Variants in ZMIZ1 observed in about 807,000 individuals in gnomAD.
ZMIZ1 encodes zinc finger MIZ-type containing 1, also known as zinc finger MIZ domain-containing protein 1.
Under a neutral mutation model 113.9 loss-of-function variants are expected in ZMIZ1, and 17 were observed. The observed-to-expected ratio is 0.15, with a 90% CI of 0.10 to 0.22. ZMIZ1 has a LOEUF of 0.22. ZMIZ1 is among the 10% of genes least tolerant of loss of function. The pLI is 1.00. For missense variants in ZMIZ1, 1,059 were observed against 1,477.8 expected (o/e 0.72, Z 4.65); for synonymous variants, 607 against 603.1 (o/e 1.01, Z -0.09).
rs756182598 is a variant in ZMIZ1, at chr10:79,277,252, G to A, written c.352G>A (p.Asp118Asn). The change falls in exon 8 of 25, where the codon GAT (aspartate) becomes AAT (asparagine). Residue 118 changes from aspartate to asparagine, a missense_variant. Asp to Asn is a conservative substitution (Grantham distance 23). Around this residue, in one of 6 missense-constraint regions of ZMIZ1, gnomAD observed 272 missense variants for 350.4 expected, o/e 0.78. Transcript: ENST00000334512. ...LLRHQKSRQS[D>N]PPGKLPMQPP... Reference sequence around the variant, plus strand: ...CCGACATCAGAAGAGCCGCCAGAGCGATCCCCCTGGGAAACTCCCCATGCA... The same window carrying A: ...CCGACATCAGAAGAGCCGCCAGAGCAATCCCCCTGGGAAACTCCCCATGCA... 33 of 1,591,270 alleles carry A rather than the reference G, an allele frequency of 2.1e-5. 2 individuals carry two copies. Among genetic ancestry groups the A allele is most frequent in the South Asian group, 1.5e-4 (13 of 88,366 alleles).
At chr10:79,177,979 A>G (rs1846942427) in intron 4 of ZMIZ1, among the ~76,000 whole-genome samples, 1 of 152,146 alleles carries the variant, frequency 6.6e-6, no homozygotes, top group South Asian at 2.1e-4. Context: ...CAGTGCTCCT[A>G]TTAGACATGA....
intron 7 of ZMIZ1, among the ~76,000 whole-genome samples, chr10:79,225,636 G>T (rs2132755372): frequency 6.6e-6 from 1 of 152,298 alleles, no homozygotes; most frequent in Middle Eastern, 3.4e-3. Context: ...AAAGACCAGT[G>T]AGCACCAAAC....
At chr10:79,192,884 A>T (rs1200891028) in intron 4 of ZMIZ1, among the ~76,000 whole-genome samples, 2 of 152,166 alleles carry the variant, frequency 1.3e-5, no homozygotes, top group African/African-American at 2.4e-5. Flanking sequence ...TAAGAGCTGG[A>T]AGCAGCTGGC....
At chr10:79,247,220 C>T (rs1413649708) in intron 7 of ZMIZ1, among the ~76,000 whole-genome samples, 1 of 152,150 alleles carries the variant, frequency 6.6e-6, no homozygotes, top group Non-Finnish European at 1.5e-5. Flanking sequence ...TTGAGGGATG[C>T]GAGGACCTTT....
chr10:79,076,357 A>G (rs1842475449), intron 1 of ZMIZ1, among the ~76,000 whole-genome samples: 1 of 152,044 alleles, frequency 6.6e-6, no homozygotes, highest in African/African-American at 2.4e-5. Flanking sequence ...GCCCAGCTGA[A>G]CCTTGGGGGT....
intron 24 of ZMIZ1, 63 bp downstream of exon 24, chr10:79,311,247 A>G (rs1437463131): frequency 7.8e-7 from 1 of 1,285,728 alleles, no homozygotes; most frequent in African/African-American, 1.6e-5. Flanking sequence ...CCTGCCCGAG[A>G]GAAGGGGTGG....
intron 19 of ZMIZ1, 152 bp from the exon 20 acceptor site, chr10:79,305,012 G>C (rs113182676): frequency 1.2e-6 from 1 of 811,828 alleles, no homozygotes; most frequent in Admixed American, 2.0e-5. Context: ...CAGAAAGGTA[G>C]CATTGCTTTC....
At chr10:79,198,898 G>A (rs1447782115) in intron 4 of ZMIZ1, among the ~76,000 whole-genome samples, 1 of 152,154 alleles carries the variant, frequency 6.6e-6, no homozygotes, top group Non-Finnish European at 1.5e-5. Flanking sequence ...GCCAGGCGTG[G>A]TGGCAGGCGC....
chr10:79,189,449 T>G (rs1200367210), intron 4 of ZMIZ1, among the ~76,000 whole-genome samples: 5 of 152,190 alleles, frequency 3.3e-5, no homozygotes, highest in South Asian at 2.1e-4. Flanking sequence ...GAGGCTAAGT[T>G]TCCTAGTCAC....
chr10:79,088,525 C>T (rs763000827), intron 1 of ZMIZ1, among the ~76,000 whole-genome samples: 33 of 152,258 alleles, frequency 2.2e-4, no homozygotes, highest in Admixed American at 4.6e-4. Flanking sequence ...AGCATTTTGT[C>T]GAGCCGGGAG....
intron 4 of ZMIZ1, among the ~76,000 whole-genome samples, chr10:79,190,963 C>G (rs1282844363): frequency 6.6e-6 from 1 of 152,146 alleles, no homozygotes; most frequent in Admixed American, 6.5e-5. Flanking sequence ...AAAAATAGAC[C>G]ACCTAGAAGA....
chr10:79,140,654 GTCCTTCCA>G (rs1316570323), intron 3 of ZMIZ1, among the ~76,000 whole-genome samples: 14 of 151,742 alleles, frequency 9.2e-5, no homozygotes, highest in African/African-American at 3.1e-4. Flanking sequence ...CCACCTATCC[GTCCTTCCA>G]TCCAACTACT....
At chr10:79,269,456 A>ACACACACACACACACAC (rs1851803859) in intron 7 of ZMIZ1, among the ~76,000 whole-genome samples, 1 of 138,472 alleles carries the variant, frequency 7.2e-6, no homozygotes, top group South Asian at 2.5e-4. Flanking sequence ...ACCTCCCCCC[A>ACACACACACACACACAC]ACACACACAC....
chr10:79,115,588 C>T (rs1050780783), intron 1 of ZMIZ1, among the ~76,000 whole-genome samples: 5 of 152,204 alleles, frequency 3.3e-5, no homozygotes, highest in Admixed American at 1.3e-4. Flanking sequence ...ATTCCTCCCA[C>T]GAGAGAGAAA....
intron 17 of ZMIZ1, 34 bp from the exon 18 acceptor site, chr10:79,302,073 G>A: frequency 6.2e-7 from 1 of 1,606,496 alleles, no homozygotes; most frequent in Non-Finnish European, 8.5e-7. Context: ...TGGGGACAGT[G>A]CACAGGAACT....
chr10:79,214,274 C>G (rs987249746), intron 6 of ZMIZ1, among the ~76,000 whole-genome samples: 1 of 152,190 alleles, frequency 6.6e-6, no homozygotes, highest in Non-Finnish European at 1.5e-5. Context: ...GGAAAGAGGC[C>G]TAAGGAGTGT....
intron 1 of ZMIZ1, among the ~76,000 whole-genome samples, chr10:79,085,796 C>G (rs1589254490): frequency 6.6e-6 from 1 of 152,360 alleles, no homozygotes; most frequent in East Asian, 1.9e-4. Flanking sequence ...CCCTCTGTTT[C>G]TGAGCTGTGC....
intron 1 of ZMIZ1, among the ~76,000 whole-genome samples, chr10:79,117,153 G>A (rs546296068): frequency 1.5e-4 from 23 of 152,374 alleles, no homozygotes; most frequent in Middle Eastern, 3.4e-3. Context: ...GAGAGGCAAG[G>A]CCAGAAATGG....
chr10:79,194,629 G>T (rs1475442007), intron 4 of ZMIZ1, among the ~76,000 whole-genome samples: 2 of 152,170 alleles, frequency 1.3e-5, no homozygotes, highest in African/African-American at 4.8e-5. Flanking sequence ...GGCTCTATTT[G>T]GACCTGTCAG....
Sources: gnomAD v4.1 joint callset for allele counts (sites outside exome capture counted in the v4.1 genomes callset) on GRCh38, gnomAD v4.1.1 for gene constraint, gnomAD v4.1.1 regional missense constraint, MANE v1.5 for transcripts, NCBI Gene and HGNC (gene_info 2026-07-23, HGNC 2026-07-21) for gene names.